Variants in CABIN1 observed in about 807,000 individuals in gnomAD.
The protein encoded by CABIN1 is calcineurin-binding protein cabin-1.
Under a neutral mutation model 227.7 loss-of-function variants are expected in CABIN1, and 133 were observed. That is an observed-to-expected ratio of 0.58 (90% CI 0.51 to 0.67). The LOEUF (loss-of-function observed/expected upper bound fraction) is 0.67, where lower values mean the gene tolerates loss of function less well. Ranked by LOEUF, CABIN1 falls within the 30% of genes least tolerant of loss-of-function variation. The pLI, the probability that CABIN1 is intolerant of heterozygous loss-of-function variation, is 0.00. For missense variants in CABIN1, 2,408 were observed against 2,852.5 expected (o/e 0.84, Z 3.55); for synonymous variants, 1,086 against 1,155.1 (o/e 0.94, Z 1.21).
chr22:24,071,749 C>G (rs1236396513), intron 17 of CABIN1, among the ~76,000 whole-genome samples: 1 of 152,190 alleles, frequency 6.6e-6, no homozygotes, highest in Non-Finnish European at 1.5e-5. Flanking sequence ...CATGTTCCCT[C>G]CAGGTTGTGT....
intron 29 of CABIN1, among the ~76,000 whole-genome samples, chr22:24,137,480 T>G (rs944682402): frequency 6.6e-6 from 1 of 152,224 alleles, no homozygotes; most frequent in Admixed American, 6.5e-5. Flanking sequence ...GCCTGGCACA[T>G]AGGCAATGCC....
At chr22:24,148,833 A>G (rs546815477) in intron 29 of CABIN1, among the ~76,000 whole-genome samples, 1 of 152,354 alleles carries the variant, frequency 6.6e-6, no homozygotes, top group South Asian at 2.1e-4. Flanking sequence ...GTGTGAGCCC[A>G]GCGGAGGCTG....
intron 19 of CABIN1, among the ~76,000 whole-genome samples, chr22:24,079,605 G>A (rs1475691407): frequency 1.3e-5 from 2 of 152,098 alleles, no homozygotes; most frequent in Non-Finnish European, 2.9e-5. Context: ...GCATGAAATG[G>A]TATTTCATTG....
rs1429322223 is a variant in CABIN1, at chr22:24,177,935, G to C, written c.6519+118G>C. Reference sequence around the variant, plus strand: ...TGGGGTGTGGGTGAGGATGGCATAGGGGCCTGGGGCAGGGGTGAGGGTGGG... The same window carrying C: ...TGGGGTGTGGGTGAGGATGGCATAGCGGCCTGGGGCAGGGGTGAGGGTGGG... On this transcript the variant is annotated intron_variant, in intron 36 of 36. Transcript: ENST00000263119. This position sits in a 1 kb window ranked among gnomAD's most constrained non-coding sequence, Gnocchi z 4.4. 6.5e-7 allele frequency: 1 copy of C among 1,541,686 alleles called. No homozygotes were observed. Among genetic ancestry groups the C allele is most frequent in the Non-Finnish European group, 8.8e-7 (1 of 1,134,986 alleles).
Position 24,166,765 on chromosome 22 carries a change from G to A in CABIN1, c.5134G>A (p.Ala1712Thr), listed in dbSNP as rs746964420. ...CCCCCAGCCGAAGAAGCCCCCTCTG[G>A]CTGATGGCTCAGGGCCAGGGCCCGA... is the stretch of plus-strand genomic sequence containing the variant. ...GLPQPKKPPL[A>T]DGSGPGPEPG... Residue 1712 changes from alanine (A) to threonine (T), a missense_variant, in exon 32 of 37, where the codon GCT becomes ACT. This residue lies in a region of CABIN1 where 714 missense variants were observed against 773.8 expected (regional missense o/e 0.92). Coordinates refer to ENST00000263119, the MANE Select transcript of CABIN1 (RefSeq NM_012295.4). The A allele has an allele frequency of 1.2e-5, 19 of 1,612,830 alleles. No homozygotes were observed. In the African/African-American group the frequency reaches 2.5e-4, roughly 22 times the overall value.
intron 28 of CABIN1, among the ~76,000 whole-genome samples, chr22:24,129,359 G>T (rs1408232969): frequency 6.6e-6 from 1 of 152,166 alleles, no homozygotes; most frequent in Non-Finnish European, 1.5e-5. Context: ...GTTAGTGGGC[G>T]GGGGCTGGCA....
chr22:24,012,853 C>A lies in CABIN1; in HGVS notation c.-75+1486C>A, dbSNP rs186100089. Among the ~76,000 whole-genome samples, 30 of 151,674 alleles carry A rather than the reference C, an allele frequency of 2.0e-4. No homozygotes were observed. The East Asian group carries it at 5.9e-3, about 30-fold the overall frequency. ...TCGGCTCACTGCAATCTCCGCCTCCCGGGTTCAAGCAGTTCTCCTGTCTCG... is the reference window on the plus strand; with the variant it reads ...TCGGCTCACTGCAATCTCCGCCTCCAGGGTTCAAGCAGTTCTCCTGTCTCG... On this transcript the variant is annotated intron_variant, in intron 1 of 36. Coordinates refer to ENST00000263119, the MANE Select transcript of CABIN1 (RefSeq NM_012295.4).
chr22:24,042,808 A>C, intron 5 of CABIN1, 96 bp from the exon 6 acceptor site: 3 of 1,018,692 alleles, frequency 2.9e-6, no homozygotes, highest in South Asian at 1.5e-5. Context: ...ATATTCAAGG[A>C]GAGATCTGAC....
At chr22:24,164,358 C>G (rs1361278665) in intron 29 of CABIN1, 42 bp from the exon 30 acceptor site, 2 of 1,598,944 alleles carry the variant, frequency 1.3e-6, no homozygotes, top group East Asian at 4.5e-5. Context: ...AGGCTCCTGC[C>G]ACAACCACCC....
intron 19 of CABIN1, 118 bp downstream of exon 19, chr22:24,076,402 T>C: frequency 2.6e-6 from 2 of 768,252 alleles, no homozygotes; most frequent in Non-Finnish European, 4.6e-6. Flanking sequence ...CTTCCCTCAG[T>C]GGGCCCACTG....
At chr22:24,166,055 C>A (rs1176123975) in intron 31 of CABIN1, among the ~76,000 whole-genome samples, 1 of 152,214 alleles carries the variant, frequency 6.6e-6, no homozygotes, top group Non-Finnish European at 1.5e-5. Context: ...GTTAAGCAGC[C>A]AGCCTACGAG....
intron 29 of CABIN1, among the ~76,000 whole-genome samples, chr22:24,148,309 G>A (rs1319932036): frequency 6.6e-6 from 1 of 152,180 alleles, no homozygotes; most frequent in Non-Finnish European, 1.5e-5. Context: ...CATTCTCATG[G>A]CAGCCAAGAG....
intron 26 of CABIN1, among the ~76,000 whole-genome samples, chr22:24,107,877 G>C (rs1245921716): frequency 6.6e-6 from 1 of 152,222 alleles, no homozygotes; most frequent in African/African-American, 2.4e-5. Flanking sequence ...CGCAGGATGT[G>C]CTGCTGAGCT....
At chr22:24,129,240 A>C (rs2043918505) in intron 28 of CABIN1, among the ~76,000 whole-genome samples, 1 of 152,168 alleles carries the variant, frequency 6.6e-6, no homozygotes, top group African/African-American at 2.4e-5. Context: ...ACCTCACCCC[A>C]AGCTTTTGCT....
Position 24,119,592 on chromosome 22 carries a change from C to G in CABIN1, c.4526C>G (p.Thr1509Arg), listed in dbSNP as rs770740279. 1.2e-6 allele frequency: 2 copies of G among 1,613,590 alleles called. No individual in the cohort carries two copies. The highest frequency in any genetic ancestry group is 1.7e-6 in the Non-Finnish European group (2 of 1,179,896). The stretch of plus-strand genomic sequence containing the variant: ...GCTGAGGAGCAGCGGCAGTTTCTCA[C>G]AGAGCAGTGCATCGCCTCCTTCCGC... ...AGAEEQRQFL[T>R]EQCIASFRLC... is the part of the protein sequence containing the mutation. The change falls in exon 28 of 37, where the codon ACA becomes AGA. Residue 1509 changes from threonine (T) to arginine (R), a missense_variant. This residue lies in a region of CABIN1 where 649 missense variants were observed against 910.3 expected (regional missense o/e 0.71). Coordinates refer to ENST00000263119, the MANE Select transcript of CABIN1 (RefSeq NM_012295.4).
chr22:24,166,406 G>C (rs974714747), intron 31 of CABIN1, among the ~76,000 whole-genome samples: 1 of 152,360 alleles, frequency 6.6e-6, no homozygotes, highest in African/African-American at 2.4e-5. Context: ...CTACCTGGAA[G>C]AGTGTGGTGG....
chr22:24,121,800 CCTT>C (rs1438293160), intron 28 of CABIN1, among the ~76,000 whole-genome samples: 1 of 152,228 alleles, frequency 6.6e-6, no homozygotes, highest in East Asian at 1.9e-4. Flanking sequence ...CCTCTGGTGT[CCTT>C]CTGTTCAAGT....
chr22:24,101,615 C>G (rs1051987693), intron 26 of CABIN1: 1 of 152,298 alleles, frequency 6.6e-6, no homozygotes, highest in Non-Finnish European at 1.5e-5. Flanking sequence ...CTCTGCTGTG[C>G]TGCTGGCAGC....
rs116091247 is a variant in CABIN1, at chr22:24,047,354, C to T, written c.527-1737C>T. Among the ~76,000 whole-genome samples the T allele has an allele frequency of 6.4e-3, 976 of 152,244 alleles. 13 individuals are homozygous for T. Among genetic ancestry groups the T allele is most frequent in the African/African-American group, 0.022 (907 of 41,518 alleles). On this transcript the variant is annotated intron_variant, in intron 6 of 36. Coordinates refer to ENST00000263119, the MANE Select transcript of CABIN1 (RefSeq NM_012295.4). ...TTGTTCTGAGATTTCCCAGGCCTTC[C>T]CTCTGCAGGACTGTAGGGTGGCTAG...
Sources: gnomAD v4.1 joint callset for allele counts (sites outside exome capture counted in the v4.1 genomes callset) on GRCh38, gnomAD v4.1.1 for gene constraint, gnomAD v4.1.1 regional missense constraint, Gnocchi (gnomAD v3.1) non-coding constraint, MANE v1.5 for transcripts, NCBI Gene and HGNC (gene_info 2026-07-23, HGNC 2026-07-21) for gene names.